Variants in ZBTB10 observed in about 807,000 individuals in gnomAD.
ZBTB10 encodes the protein zinc finger and BTB domain containing 10.
ZBTB10 carries 32 observed loss-of-function variants against 76.4 expected under a neutral mutation model. That is an observed-to-expected ratio of 0.42 (90% CI 0.32 to 0.56). The LOEUF is 0.56. ZBTB10 is among the 20% of genes least tolerant of loss of function. The pLI, the probability that ZBTB10 is intolerant of heterozygous loss-of-function variation, is 0.14. For missense variants in ZBTB10, 1,057 were observed against 1,098.5 expected (o/e 0.96, Z 0.53); for synonymous variants, 523 against 432.9 (o/e 1.21, Z -2.58).
intron 2 of ZBTB10, among the ~76,000 whole-genome samples, chr8:80,507,458 A>G (rs893563377): frequency 1.3e-5 from 2 of 151,600 alleles, no homozygotes; most frequent in African/African-American, 4.8e-5. Flanking sequence ...TAAAAATACA[A>G]AAAAAAATTA....
At position 80,499,930 on chromosome 8, in the gene ZBTB10, A is replaced by C; in HGVS notation, c.1409A>C (p.Glu470Ala). Reference sequence around the variant, plus strand: ...GCCTTAAATATAAGCATTAAATCAGAAGCTCCAGAGTCTGTAGTTGTGGAC... The same window carrying C: ...GCCTTAAATATAAGCATTAAATCAGCAGCTCCAGAGTCTGTAGTTGTGGAC... ...KDALNISIKS[E>A]APESVVVDYN... is the part of the protein sequence containing the mutation. Residue 470 changes from glutamate to alanine, a missense_variant, in exon 2 of 6, where the codon GAA becomes GCA. This residue lies in a region of ZBTB10 where 306 missense variants were observed against 297.5 expected (regional missense o/e 1.03). Transcript: ENST00000455036. 1 of 1,613,896 alleles carries C rather than the reference A, an allele frequency of 6.2e-7. No homozygotes were observed. The highest frequency in any genetic ancestry group is 2.2e-5 in the East Asian group (1 of 44,884).
chr8:80,486,495 G>C lies in ZBTB10; in HGVS notation c.-316G>C, dbSNP rs915764210. On this transcript the variant is annotated 5_prime_UTR_variant, in exon 1 of 6. Coordinates refer to ENST00000455036, the MANE Select transcript of ZBTB10 (RefSeq NM_001105539.3). Reference sequence around the variant, plus strand: ...ACTTCGAAGGCCTCGCTCGCTGCAGGCTCGCTCCTCACCTCTCCGCCGCCC... The same window carrying C: ...ACTTCGAAGGCCTCGCTCGCTGCAGCCTCGCTCCTCACCTCTCCGCCGCCC... The C allele has an allele frequency of 7.0e-5, 69 of 985,380 alleles. No homozygotes were observed. In the African/African-American group the frequency reaches 1.1e-3, roughly 16 times the overall value. The allele number at this position is 985,380 out of a possible 1,614,324, so 61.0% of individuals were successfully genotyped here.
Position 80,487,796 on chromosome 8 carries a change from TG to T in ZBTB10, c.972+15del. 7.8e-6 allele frequency: 12 copies of T among 1,536,698 alleles called. No individual in the cohort carries two copies. The highest frequency in any genetic ancestry group is 1.4e-5 in the African/African-American group (1 of 72,362). ...GCCAACGCCCAGGTACAGTATATCC[TG>T]CTCCTACTTTTTTGAGATCTTTTAG... On this transcript the variant is annotated intron_variant, in intron 1 of 5. Transcript: ENST00000455036.
chr8:80,519,373 G>A lies in ZBTB10; in HGVS notation c.2461G>A (p.Asp821Asn). ...KSQPGGQEGV[D>N]QGQDTEFPRD... ...ACAGCCAGGAGGGCAAGAAGGTGTA[G>A]ATCAGGGACAGGATACAGAATTCCC... Residue 821 changes from aspartate (D) to asparagine (N), a missense_variant, in exon 6 of 6, where the codon GAT becomes AAT. Around this residue, in one of 5 missense-constraint regions of ZBTB10, gnomAD observed 55 missense variants for 65.5 expected, o/e 0.84. Transcript: ENST00000455036. 1 of 1,613,516 alleles carries A rather than the reference G, an allele frequency of 6.2e-7. No individual in the cohort carries two copies. Among genetic ancestry groups the A allele is most frequent in the Non-Finnish European group, 8.5e-7 (1 of 1,179,746 alleles).
At chr8:80,505,915 ATTTTTTTTTTT>A (rs58176444) in intron 2 of ZBTB10, among the ~76,000 whole-genome samples, 6 of 131,970 alleles carry the variant, frequency 4.5e-5, no homozygotes, top group South Asian at 2.4e-4. Context: ...TGCCTGGCTA[ATTTTTTTTTTT>A]TTTTTTTTTT....
chr8:80,515,250 A>G (rs1816298511), intron 3 of ZBTB10, among the ~76,000 whole-genome samples: 1 of 152,192 alleles, frequency 6.6e-6, no homozygotes, highest in African/African-American at 2.4e-5. Flanking sequence ...AAACTTGACA[A>G]AACTAGTATT....
At position 80,499,994 on chromosome 8, in the gene ZBTB10, T is replaced by C. The variant is rs1274447748; in HGVS notation, c.1473T>C (p.Ser491=). 5.6e-6 allele frequency: 9 copies of C among 1,613,852 alleles called. No homozygotes were observed. In the Admixed American group the frequency reaches 1.5e-4, roughly 27 times the overall value. ...NRKPVNRDGL[S]SSRDQKIASF... ...AACCAGTTAATAGAGATGGTCTGTC[T>C]TCATCACGGGATCAAAAAATTGCCA... is the stretch of plus-strand genomic sequence containing the variant. Residue 491 remains serine (S), a synonymous_variant, in exon 2 of 6, where the codon TCT becomes TCC. Transcript: ENST00000455036.
chr8:80,510,680 T>G (rs926838001), intron 2 of ZBTB10, among the ~76,000 whole-genome samples: 1 of 137,232 alleles, frequency 7.3e-6, no homozygotes, highest in African/African-American at 2.8e-5. Flanking sequence ...GTGTGTGTGT[T>G]TTAGACAAGT....
In ZBTB10 at chr8:80,518,415, ATTTCAAGTATGG is replaced by A; in HGVS notation, c.1977_1988del (p.Phe659_Gly662del). ...TTACTTGTACTAGGTACTTCACATGATTTCAAGTATGGTTTGATGCCTGGTCCTTCAAATGAT... is the reference window on the plus strand; with the variant it reads ...TTACTTGTACTAGGTACTTCACATGATTTGATGCCTGGTCCTTCAAATGAT... On this transcript the variant is annotated inframe_deletion, in exon 4 of 6. Coordinates refer to ENST00000455036, the MANE Select transcript of ZBTB10 (RefSeq NM_001105539.3). 1.9e-6 allele frequency: 3 copies of A among 1,550,588 alleles called. No individual in the cohort carries two copies. Among genetic ancestry groups the A allele is most frequent in the Non-Finnish European group, 2.6e-6 (3 of 1,147,042 alleles).
At chr8:80,494,078 G>A (rs536612522) in intron 1 of ZBTB10, among the ~76,000 whole-genome samples, 1 of 152,130 alleles carries the variant, frequency 6.6e-6, no homozygotes, top group Non-Finnish European at 1.5e-5. Flanking sequence ...TCTATAAAAT[G>A]AATTTGTTCT....
In ZBTB10 at chr8:80,506,439, C is replaced by T. The variant is rs1375706266; in HGVS notation, c.1861+6057C>T. ...AAGCAATTCTCCTGCCTCAGCCTCC[C>T]GAGTAGCTGGGATTACAGGCATGTG... On this transcript the variant is annotated intron_variant, in intron 2 of 5. Transcript: ENST00000455036. Among the ~76,000 whole-genome samples, 9 of 151,970 alleles carry T rather than the reference C, an allele frequency of 5.9e-5. No homozygotes were observed. In the South Asian group the frequency reaches 6.2e-4, roughly 10 times the overall value.
In ZBTB10 at chr8:80,487,354, G is replaced by T; in HGVS notation, c.544G>T (p.Asp182Tyr). Residue 182 changes from aspartate (D) to tyrosine (Y), a missense_variant, in exon 1 of 6, where the codon GAC becomes TAC. This residue lies in a region of ZBTB10 where 556 missense variants were observed against 451.7 expected (regional missense o/e 1.23). Coordinates refer to ENST00000455036, the MANE Select transcript of ZBTB10 (RefSeq NM_001105539.3). ...GATGCAGGACGGCGCGTCCCTGAGC[G>T]ACAGCACCGAGGACGAGGAGGAGGG... The part of the protein sequence containing the change: ...ELMQDGASLS[D>Y]STEDEEEGAS... The T allele has an allele frequency of 1.3e-6, 2 of 1,529,438 alleles. No homozygotes were observed. Among genetic ancestry groups the T allele is most frequent in the Non-Finnish European group, 8.8e-7 (1 of 1,135,264 alleles). The allele number at this position is 1,529,438 out of a possible 1,614,324, so 94.7% of individuals were successfully genotyped here.
rs1221768959 is a variant in ZBTB10, at chr8:80,487,520, C to T, written c.710C>T (p.Ala237Val). Residue 237 changes from alanine (A) to valine (V), a missense_variant, in exon 1 of 6, where the codon GCG (alanine) becomes GTG (valine). Coordinates refer to ENST00000455036, the MANE Select transcript of ZBTB10 (RefSeq NM_001105539.3). The stretch of plus-strand genomic sequence containing the variant: ...GAGACTGTCCAGCACTTCCCGCTCG[C>T]GCGGCCCAAGTCTCTAATGCAGAAG... ...EGETVQHFPL[A>V]RPKSLMQKLQ... 6.4e-7 allele frequency: 1 copy of T among 1,568,838 alleles called. No individual in the cohort carries two copies. Among genetic ancestry groups the T allele is most frequent in the East Asian group, 2.4e-5 (1 of 42,354 alleles).
chr8:80,503,048 A>G (rs1815964334), intron 2 of ZBTB10, among the ~76,000 whole-genome samples: 1 of 152,180 alleles, frequency 6.6e-6, no homozygotes, highest in Non-Finnish European at 1.5e-5. Context: ...TAAGGCTGAG[A>G]TCAGCAAATA....
At position 80,507,814 on chromosome 8, in the gene ZBTB10, T is replaced by C. The variant is rs138237454; in HGVS notation, c.1862-6096T>C. 2.1e-3 allele frequency among the ~76,000 whole-genome samples: 320 copies of C among 152,190 alleles called. 1 individual carries two copies. Among genetic ancestry groups the C allele is most frequent in the South Asian group, 0.011 (52 of 4,826 alleles). On this transcript the variant is annotated intron_variant, in intron 2 of 5. Coordinates refer to ENST00000455036, the MANE Select transcript of ZBTB10 (RefSeq NM_001105539.3). ...CAGGGTCTCGTTATGTTGCCCACAC[T>C]GGTGTCCAGCTCTTGGGCTCAACTC...
chr8:80,491,277 A>G (rs1233464737), intron 1 of ZBTB10, among the ~76,000 whole-genome samples: 1 of 152,218 alleles, frequency 6.6e-6, no homozygotes, highest in African/African-American at 2.4e-5. Context: ...TATTCCTTAC[A>G]GTAACATAGT....
At chr8:80,495,132 TCTC>T (rs1018129738) in intron 1 of ZBTB10, among the ~76,000 whole-genome samples, 8 of 141,586 alleles carry the variant, frequency 5.7e-5, no homozygotes, top group South Asian at 4.4e-4. Context: ...AATCTCTCTC[TCTC>T]TTTTTTTTTT....
chr8:80,498,921 T>C (rs1815854176), intron 1 of ZBTB10, among the ~76,000 whole-genome samples: 1 of 152,240 alleles, frequency 6.6e-6, no homozygotes, highest in African/African-American at 2.4e-5. Context: ...TAGATATTCC[T>C]ATAGTTGAAG....
Position 80,505,890 on chromosome 8 carries a change from G to A in ZBTB10, c.1861+5508G>A, listed in dbSNP as rs77855740. 2.2e-3 allele frequency among the ~76,000 whole-genome samples: 327 copies of A among 150,902 alleles called. 1 individual carries two copies. The highest frequency in any genetic ancestry group is 7.7e-3 in the African/African-American group (313 of 40,906). ...ACACAGAGTACTTGGAACTACAGGTGGGCGTGCACCACTATGCCTGGCTAA... is the reference window on the plus strand; with the variant it reads ...ACACAGAGTACTTGGAACTACAGGTAGGCGTGCACCACTATGCCTGGCTAA... On this transcript the variant is annotated intron_variant, in intron 2 of 5. Coordinates refer to ENST00000455036, the MANE Select transcript of ZBTB10 (RefSeq NM_001105539.3).
Sources: allele counts gnomAD v4.1 joint callset (sites outside exome capture counted in the v4.1 genomes callset), GRCh38; gene constraint gnomAD v4.1.1; regional missense constraint gnomAD v4.1.1; transcripts MANE v1.5; gene names NCBI Gene and HGNC (gene_info 2026-07-23, HGNC 2026-07-21).